The following CLOCK variants were observed in gnomAD, a reference collection of about 807,000 sequenced individuals.
The protein encoded by CLOCK is clock circadian regulator.
CLOCK carries 43 observed loss-of-function variants against 118.4 expected under a neutral mutation model. The ratio of observed to expected loss-of-function variants is 0.36; its 90% CI spans 0.28 to 0.47. The LOEUF is 0.47. Ranked by LOEUF, CLOCK falls within the 20% of genes least tolerant of loss-of-function variation. The probability of loss-of-function intolerance (pLI) is 1.00; values close to 1 mark genes in which losing one functional copy is unlikely to be tolerated. For synonymous variants in CLOCK, 326 were observed against 339.2 expected, an observed-to-expected ratio of 0.96 and a Z score of 0.43; for missense variants, 846 against 999.9, an observed-to-expected ratio of 0.85 and a Z score of 2.08.
intron 1 of CLOCK, among the ~76,000 whole-genome samples, chr4:55,521,865 G>C (rs180970145): frequency 5.3e-5 from 8 of 152,314 alleles, no homozygotes; most frequent in African/African-American, 1.9e-4. Context: ...TTATGTGGAA[G>C]AGCAAAAGGC....
At chr4:55,452,679 G>C (rs1724572988) in intron 15 of CLOCK, 1 of 197,116 alleles carries the variant, frequency 5.1e-6, no homozygotes, top group African/African-American at 2.4e-5. Flanking sequence ...AGTGTCTTTA[G>C]GGAAGATTTT....
chr4:55,441,508 A>C (rs1723365609), intron 21 of CLOCK, among the ~76,000 whole-genome samples: 3 of 152,350 alleles, frequency 2.0e-5, no homozygotes, highest in South Asian at 4.1e-4. Context: ...TGAGTGGAGA[A>C]AGAAAATGTG....
intron 9 of CLOCK, among the ~76,000 whole-genome samples, chr4:55,461,897 T>G (rs1725369704): frequency 6.6e-6 from 1 of 152,218 alleles, no homozygotes; most frequent in Non-Finnish European, 1.5e-5. Context: ...CCTTAGCCCC[T>G]TTATAATTCT....
At position 55,431,093 on chromosome 4, in the gene CLOCK, T is replaced by A. The variant is rs1350008949; in HGVS notation, c.*4322A>T. 5 of 152,176 alleles carry A rather than the reference T, an allele frequency of 3.3e-5. No homozygotes were observed. The highest frequency in any genetic ancestry group is 1.2e-4 in the African/African-American group (5 of 41,436). 9.4% of individuals were successfully genotyped at this position (152,176 alleles called of 1,614,324 possible). ...TAAGAATAAACTTTATCAAAATGAG[T>A]AATTGCAATAAAGTGCTTGTTACAT... On this transcript the variant is annotated 3_prime_UTR_variant, in exon 23 of 23. Coordinates refer to ENST00000513440, the MANE Select transcript of CLOCK (RefSeq NM_004898.4).
At chr4:55,520,840 T>C (rs565705284) in intron 1 of CLOCK, among the ~76,000 whole-genome samples, 8 of 152,330 alleles carry the variant, frequency 5.3e-5, no homozygotes, top group Admixed American at 2.0e-4. Context: ...CCTTGCTTTA[T>C]ATCAGAAGAC....
chr4:55,537,292 AACACAGTG>A (rs1730967274), intron 1 of CLOCK, among the ~76,000 whole-genome samples: 2 of 152,108 alleles, frequency 1.3e-5, no homozygotes, highest in Admixed American at 1.3e-4. Context: ...CAACATGGGC[AACACAGTG>A]ACATCCTTGT....
chr4:55,507,767 T>C (rs180810549), intron 2 of CLOCK, among the ~76,000 whole-genome samples: 8 of 152,334 alleles, frequency 5.3e-5, no homozygotes, highest in African/African-American at 1.9e-4. Flanking sequence ...ATAACAGTTA[T>C]TGGAACTGGC....
In CLOCK at chr4:55,485,026, C is replaced by T. The variant is rs59924206; in HGVS notation, c.-43-2198G>A. Among the ~76,000 whole-genome samples, 536 of 152,074 alleles carry T rather than the reference C, an allele frequency of 3.5e-3. 13 individuals are homozygous for T. The East Asian group carries it at 0.083, about 23-fold the overall frequency. ...TGGCCCAGGCTGGAGTGCAGTGGCACGATCTCATCTCATTGCAACCTCCGC... is the reference window on the plus strand; with the variant it reads ...TGGCCCAGGCTGGAGTGCAGTGGCATGATCTCATCTCATTGCAACCTCCGC... On this transcript the variant is annotated intron_variant, in intron 3 of 22. Coordinates refer to ENST00000513440, the MANE Select transcript of CLOCK (RefSeq NM_004898.4).
At chr4:55,441,191 G>A (rs1046457147) in intron 21 of CLOCK, among the ~76,000 whole-genome samples, 14 of 152,136 alleles carry the variant, frequency 9.2e-5, no homozygotes, top group African/African-American at 2.9e-4. Context: ...TAGATGTTCA[G>A]GGAAACTCAA....
intron 1 of CLOCK, among the ~76,000 whole-genome samples, chr4:55,526,665 T>C (rs369659627): frequency 2.4e-4 from 37 of 151,864 alleles, no homozygotes; most frequent in African/African-American, 8.5e-4. Context: ...AAAAAAGCTC[T>C]AGGCCGGGCA....
In CLOCK at chr4:55,475,696, A is replaced by G. The variant is rs547966044; in HGVS notation, c.348+267T>C. ...CAGCAAAAAGATTAAGACTTGCTGA[A>G]GGCTCAGATGATTGTTAGCATTTTT... On this transcript the variant is annotated intron_variant, in intron 7 of 22. Coordinates refer to ENST00000513440, the MANE Select transcript of CLOCK (RefSeq NM_004898.4). 2.0e-5 allele frequency among the ~76,000 whole-genome samples: 3 copies of G among 152,350 alleles called. No homozygotes were observed. The East Asian group carries it at 5.8e-4, about 29-fold the overall frequency.
chr4:55,472,486 A>C (rs1726213895), intron 7 of CLOCK, among the ~76,000 whole-genome samples: 1 of 152,188 alleles, frequency 6.6e-6, no homozygotes, highest in Admixed American at 6.5e-5. Context: ...AGATACTATA[A>C]AAGGGATTCT....
At chr4:55,505,592 A>T (rs950802898) in intron 2 of CLOCK, among the ~76,000 whole-genome samples, 1 of 152,070 alleles carries the variant, frequency 6.6e-6, no homozygotes, top group Non-Finnish European at 1.5e-5. Flanking sequence ...TAAGCCCTGG[A>T]AGTCCAGGCT....
chr4:55,450,977 T>C (rs529982587), intron 15 of CLOCK, among the ~76,000 whole-genome samples: 1 of 152,096 alleles, frequency 6.6e-6, no homozygotes, highest in Admixed American at 6.5e-5. Flanking sequence ...CCTTCACCAA[T>C]GTTTCTTTCT....
intron 1 of CLOCK, among the ~76,000 whole-genome samples, chr4:55,511,279 CCTAT>C (rs560882708): frequency 1.6e-4 from 22 of 134,036 alleles, no homozygotes; most frequent in African/African-American, 4.0e-4. Context: ...CTTTCATTAT[CCTAT>C]CTATCTAATT....
chr4:55,473,930 C>G (rs1726316362), intron 7 of CLOCK, among the ~76,000 whole-genome samples: 1 of 152,242 alleles, frequency 6.6e-6, no homozygotes, highest in South Asian at 2.1e-4. Flanking sequence ...CTTGGAGCTC[C>G]CCATTCCCTG....
intron 8 of CLOCK, among the ~76,000 whole-genome samples, chr4:55,465,077 T>C (rs1725645173): frequency 6.6e-6 from 1 of 152,190 alleles, no homozygotes; most frequent in African/African-American, 2.4e-5. Flanking sequence ...TTACTTGTAT[T>C]ATTCATTTCC....
At chr4:55,544,850 G>A (rs1731502619) in intron 1 of CLOCK, among the ~76,000 whole-genome samples, 2 of 152,052 alleles carry the variant, frequency 1.3e-5, no homozygotes, top group Admixed American at 1.3e-4. Flanking sequence ...TATATAAAGA[G>A]CAAACATAAA....
At chr4:55,508,918 G>T (rs1247790247) in intron 2 of CLOCK, among the ~76,000 whole-genome samples, 1 of 152,094 alleles carries the variant, frequency 6.6e-6, no homozygotes, top group African/African-American at 2.4e-5. Context: ...GAAATGCACA[G>T]GCAATCTGTC....
Sources: gnomAD v4.1 joint callset for allele counts (sites outside exome capture counted in the v4.1 genomes callset) on GRCh38, gnomAD v4.1.1 for gene constraint, MANE v1.5 for transcripts, NCBI Gene and HGNC (gene_info 2026-07-23, HGNC 2026-07-21) for gene names.